BET1: variants seen among roughly 807,000 people sequenced by gnomAD.
The protein encoded by BET1 is Bet1 golgi vesicular membrane trafficking protein, also known as BET1 homolog.
BET1 carries 9 observed loss-of-function variants against 13.9 expected under a neutral mutation model. That is an observed-to-expected ratio of 0.65 (90% CI 0.39 to 1.13). The LOEUF is 1.13. Among genes scored for constraint, BET1 ranks in the 50% most tolerant of loss-of-function variants. BET1 has a pLI of 0.01. For synonymous variants in BET1, 39 were observed against 47.3 expected, an observed-to-expected ratio of 0.82 and a Z score of 0.72; for missense variants, 127 against 133.6, an observed-to-expected ratio of 0.95 and a Z score of 0.24.
intron 1 of BET1, among the ~76,000 whole-genome samples, chr7:94,000,684 T>C (rs1795882860): frequency 6.6e-6 from 1 of 152,062 alleles, no homozygotes; most frequent in Non-Finnish European, 1.5e-5. Context: ...TGGAAGCTTA[T>C]AATATTGAGG....
intron 6 of BET1, among the ~76,000 whole-genome samples, chr7:93,968,630 G>A (rs139409268): frequency 5.5e-4 from 84 of 151,778 alleles, no homozygotes; most frequent in African/African-American, 1.5e-3. Flanking sequence ...TAACTTAGCC[G>A]AGGACTTATA....
At chr7:93,976,070 C>A in exon 5 of BET1, 1 of 1,262,692 alleles carries the variant, frequency 7.9e-7, no homozygotes. Flanking sequence ...TTCACTGCTA[C>A]TGGTGAAATC....
chr7:93,988,623 A>G (rs1160824245), downstream of BET1, among the ~76,000 whole-genome samples: 1 of 152,212 alleles, frequency 6.6e-6, no homozygotes, highest in South Asian at 2.1e-4. Context: ...TACTAGAAAC[A>G]AGAGCAAAAC....
chr7:93,973,587 A>T (rs1042852565), intron 5 of BET1, among the ~76,000 whole-genome samples: 2 of 151,970 alleles, frequency 1.3e-5, no homozygotes. Context: ...GTGTATGCAT[A>T]CAAACCATAC....
chr7:94,001,303 T>A (rs2116146773), intron 1 of BET1, among the ~76,000 whole-genome samples: 1 of 152,308 alleles, frequency 6.6e-6, no homozygotes, highest in Non-Finnish European at 1.5e-5. Flanking sequence ...GTGAACTAAT[T>A]AATGAAAAGA....
At chr7:93,990,637 A>T (rs989091486), downstream of BET1, among the ~76,000 whole-genome samples, 1 of 152,152 alleles carries the variant, frequency 6.6e-6, no homozygotes, top group East Asian at 1.9e-4. Flanking sequence ...TAATTGTATA[A>T]TTATAACCCA....
At chr7:93,987,092 A>G (rs1001158744) in intron 4 of BET1, 2 of 140,048 alleles carry the variant, frequency 1.4e-5, no homozygotes, top group Admixed American at 6.9e-5. Context: ...CAGACATAGA[A>G]AAAAAAAAAA....
chr7:93,993,537 C>CTAT lies in BET1; in HGVS notation c.*690_*692dup. On this transcript the variant is annotated 3_prime_UTR_variant, in exon 4 of 4. Coordinates refer to ENST00000222547, the MANE Select transcript of BET1 (RefSeq NM_005868.6). Reference sequence around the variant, plus strand: ...TACCTATGTAGTAAAAATCATAAAACTATTATAAGCCAAGTCAAGAGAATT... The same window carrying CTAT: ...TACCTATGTAGTAAAAATCATAAAACTATTATTATAAGCCAAGTCAAGAGAATT... 9.9e-7 allele frequency: 1 copy of CTAT among 1,011,210 alleles called. No individual in the cohort carries two copies. The highest frequency in any genetic ancestry group is 1.2e-6 in the Non-Finnish European group (1 of 843,950). 62.6% of individuals were successfully genotyped at this position (1,011,210 alleles called of 1,614,324 possible). A position where few individuals can be genotyped will look rare whatever the true frequency, so the allele number is the denominator to read the frequency against.
chr7:93,971,912 A>G (rs1795263812), intron 6 of BET1, among the ~76,000 whole-genome samples: 2 of 151,298 alleles, frequency 1.3e-5, no homozygotes, highest in Admixed American at 6.6e-5. Flanking sequence ...GATATTGTAC[A>G]GCTTTTTCCA....
At chr7:93,973,599 T>A (rs1273155939) in intron 5 of BET1, among the ~76,000 whole-genome samples, 2 of 151,972 alleles carry the variant, frequency 1.3e-5, no homozygotes, top group Non-Finnish European at 2.9e-5. Context: ...AAACCATACA[T>A]TTTAAAAACC....
Position 93,999,172 on chromosome 7 carries a change from A to C in BET1, c.142T>G (p.Ser48Ala), listed in dbSNP as rs1053670105. The C allele has an allele frequency of 3.1e-6, 5 of 1,609,032 alleles. No homozygotes were observed. The African/African-American group carries it at 6.7e-5, about 21-fold the overall frequency. The change falls in exon 2 of 4, where the codon TCT (serine) becomes GCT (alanine). Residue 48 changes from serine (S) to alanine (A), a missense_variant and splice_region_variant. Physicochemically the swap from Ser to Ala is moderately conservative, Grantham distance 99. Transcript: ENST00000222547. Reference sequence around the variant, plus strand: ...TATAATATTTGTTATATACTTACAGATTTTATAGCAGTTACTTTGCTTCTC... The same window carrying C: ...TATAATATTTGTTATATACTTACAGCTTTTATAGCAGTTACTTTGCTTCTC... ...SLRSKVTAIK[S>A]LSIEIGHEVK...
rs1001356860 is a variant in BET1, at chr7:93,969,820, A to G, written c.*137+2755T>C. On this transcript the variant is annotated intron_variant and NMD_transcript_variant, in intron 6 of 6. Coordinates refer to the BET1 transcript ENST00000357520. Reference sequence around the variant, plus strand: ...ATTCTTCAAGATTCTGGAAATGATAATTTGTTCTTTTCTCACCTGGTTTAT... The same window carrying G: ...ATTCTTCAAGATTCTGGAAATGATAGTTTGTTCTTTTCTCACCTGGTTTAT... 2.6e-5 allele frequency among the ~76,000 whole-genome samples: 4 copies of G among 151,662 alleles called. No individual in the cohort carries two copies. In the Admixed American group the frequency reaches 2.6e-4, roughly 10 times the overall value.
chr7:93,982,629 T>G lies in BET1; in HGVS notation c.236-6529A>C, dbSNP rs529061072. Among the ~76,000 whole-genome samples, 67 of 152,270 alleles carry G rather than the reference T, an allele frequency of 4.4e-4. 1 individual carries two copies. The highest frequency in any genetic ancestry group is 1.6e-3 in the African/African-American group (65 of 41,554). On this transcript the variant is annotated intron_variant and NMD_transcript_variant, in intron 4 of 6. Transcript: ENST00000357520. ...TTGTGCCCATCAAATGTCCTTCTTC[T>G]TGTAAGGACATTAGTCCTTGGATTA... is the stretch of plus-strand genomic sequence containing the variant.
At position 94,004,187 on chromosome 7, in the gene BET1, C is replaced by T. The variant is rs1443594372; in HGVS notation, c.19+11G>A. 1.2e-5 allele frequency: 20 copies of T among 1,613,892 alleles called. No individual in the cohort carries two copies. Among genetic ancestry groups the T allele is most frequent in the African/African-American group, 1.3e-5 (1 of 74,912 alleles). ...AGGGCCCCGAACTTCGAACCTCAGC[C>T]CTCTTCTTACCCAGGCCTGCACGCC... On this transcript the variant is annotated intron_variant, in intron 1 of 3. Transcript: ENST00000222547.
chr7:93,965,732 G>A (rs1019459101), intron 6 of BET1: 1 of 152,086 alleles, frequency 6.6e-6, no homozygotes, highest in South Asian at 2.1e-4. Context: ...AATAAAATAT[G>A]CTAATTTGAA....
At chr7:93,997,858 A>G (rs1216634965) in intron 2 of BET1, among the ~76,000 whole-genome samples, 4 of 152,238 alleles carry the variant, frequency 2.6e-5, no homozygotes, top group Non-Finnish European at 4.4e-5. Context: ...ATTCTGGTAA[A>G]TTCCTTTTAC....
At chr7:93,975,120 G>A (rs1795316446) in intron 5 of BET1, among the ~76,000 whole-genome samples, 2 of 151,970 alleles carry the variant, frequency 1.3e-5, no homozygotes, top group Non-Finnish European at 2.9e-5. Flanking sequence ...CAGATCAGAG[G>A]AAACCATAAA....
intron 1 of BET1, chr7:94,000,464 A>T (rs1795875684): frequency 6.6e-6 from 1 of 152,164 alleles, no homozygotes; most frequent in Admixed American, 6.5e-5. Context: ...TATCTGCTGA[A>T]GAATGGGTGA....
chr7:93,965,182 G>A (rs976058752), exon 7 of BET1: 1 of 152,038 alleles, frequency 6.6e-6, no homozygotes, highest in Non-Finnish European at 1.5e-5. Context: ...CCTAAATGTT[G>A]ATCCATGTAC....
Sources: allele counts gnomAD v4.1 joint callset (sites outside exome capture counted in the v4.1 genomes callset), GRCh38; gene constraint gnomAD v4.1.1; transcripts MANE v1.5; gene names NCBI Gene and HGNC (gene_info 2026-07-23, HGNC 2026-07-21).